The following GALNT7 variants were observed in gnomAD, a reference collection of about 807,000 sequenced individuals.
GALNT7 encodes N-acetylgalactosaminyltransferase 7.
Under a neutral mutation model 82.1 loss-of-function variants are expected in GALNT7, and 60 were observed. The ratio of observed to expected loss-of-function variants is 0.73; its 90% CI spans 0.59 to 0.91. The LOEUF is 0.91. GALNT7 is among the 40% of genes least tolerant of loss of function. The pLI, the probability that GALNT7 is intolerant of heterozygous loss-of-function variation, is 0.00. For synonymous variants in GALNT7, 243 were observed against 275.1 expected (o/e 0.88, Z 1.15); for missense variants, 660 against 804.2 (o/e 0.82, Z 2.17).
chr4:173,313,962 A>G lies in GALNT7; in HGVS notation c.1394A>G (p.Tyr465Cys). The G allele has an allele frequency of 6.8e-7, 1 of 1,469,368 alleles. No homozygotes were observed. The highest frequency in any genetic ancestry group is 9.5e-7 in the Non-Finnish European group (1 of 1,054,170). The allele number at this position is 1,469,368 out of a possible 1,614,324, so 91.0% of individuals were successfully genotyped here. ...ATATATATTTTTTTTTTACAGAATT[A>G]TGTTAGAGTTGTGGAGGTTTGGTGG... ...YVGSSPTLKN[Y>C]VRVVEVWWDE... The change falls in exon 9 of 12, where the codon TAT becomes TGT. Residue 465 changes from tyrosine (Y) to cysteine (C), a missense_variant. Tyr to Cys is a radical substitution (Grantham distance 194, BLOSUM62 -2). This residue lies in a region of GALNT7 where 527 missense variants were observed against 683.5 expected (regional missense o/e 0.77). Transcript: ENST00000265000.
intron 2 of GALNT7, among the ~76,000 whole-genome samples, chr4:173,283,344 T>C (rs1736185119): frequency 6.6e-6 from 1 of 152,166 alleles, no homozygotes; most frequent in Admixed American, 6.5e-5. Flanking sequence ...GAATCTTAGA[T>C]AGGACTTTCT....
At chr4:173,310,767 C>T (rs1288917967) in intron 8 of GALNT7, among the ~76,000 whole-genome samples, 1 of 152,038 alleles carries the variant, frequency 6.6e-6, no homozygotes, top group East Asian at 1.9e-4. Flanking sequence ...CGGAGTTTCA[C>T]TCTTGTTGCC....
At position 173,313,951 on chromosome 4, in the gene GALNT7, T is replaced by A. The variant is rs547745977; in HGVS notation, c.1390-7T>A. On this transcript the variant is annotated splice_region_variant and splice_polypyrimidine_tract_variant and intron_variant, in intron 8 of 11. Transcript: ENST00000265000. Reference sequence around the variant, plus strand: ...ACGATATATATATATATATTTTTTTTTTACAGAATTATGTTAGAGTTGTGG... The same window carrying A: ...ACGATATATATATATATATTTTTTTATTACAGAATTATGTTAGAGTTGTGG... 1,218 of 1,307,744 alleles carry A rather than the reference T, an allele frequency of 9.3e-4. 16 individuals are homozygous for A. The African/African-American group carries it at 0.017, about 18-fold the overall frequency. The allele number at this position is 1,307,744 out of a possible 1,614,324, so 81.0% of individuals were successfully genotyped here. A position where few individuals can be genotyped will look rare whatever the true frequency, so the allele number is the denominator to read the frequency against.
At chr4:173,171,953 G>T (rs956540643) in intron 1 of GALNT7, among the ~76,000 whole-genome samples, 3 of 152,210 alleles carry the variant, frequency 2.0e-5, no homozygotes, top group African/African-American at 7.2e-5. Context: ...TTGAAGAAAT[G>T]ACTATTAGCA....
intron 1 of GALNT7, among the ~76,000 whole-genome samples, chr4:173,196,160 T>C: frequency 6.6e-6 from 1 of 151,844 alleles, no homozygotes. Flanking sequence ...AGTCTCGCTC[T>C]GTCGCCCAGG....
chr4:173,172,056 G>A (rs1300128839), intron 1 of GALNT7, among the ~76,000 whole-genome samples: 1 of 152,204 alleles, frequency 6.6e-6, no homozygotes, highest in African/African-American at 2.4e-5. Context: ...GAGAGACCGA[G>A]GCAAATTTTT....
chr4:173,201,777 G>C (rs531044990), intron 1 of GALNT7, among the ~76,000 whole-genome samples: 1 of 152,116 alleles, frequency 6.6e-6, no homozygotes, highest in African/African-American at 2.4e-5. Flanking sequence ...ATAATGCATC[G>C]GCCAGGTTGC....
At chr4:173,280,530 T>C (rs1358521515) in intron 2 of GALNT7, among the ~76,000 whole-genome samples, 2 of 152,206 alleles carry the variant, frequency 1.3e-5, no homozygotes, top group African/African-American at 2.4e-5. Context: ...GTAAAATTAC[T>C]CTAAGAATAA....
At chr4:173,178,146 A>C (rs1472254631) in intron 1 of GALNT7, among the ~76,000 whole-genome samples, 1 of 152,006 alleles carries the variant, frequency 6.6e-6, no homozygotes, top group Non-Finnish European at 1.5e-5. Flanking sequence ...AACACATATT[A>C]GTCTTTTTTT....
At chr4:173,247,113 T>C (rs1393985387) in intron 1 of GALNT7, among the ~76,000 whole-genome samples, 1 of 151,926 alleles carries the variant, frequency 6.6e-6, no homozygotes, top group East Asian at 1.9e-4. Flanking sequence ...TTTAAAGTGA[T>C]CAAGGTGATG....
At chr4:173,212,583 C>T (rs1182251770) in intron 1 of GALNT7, among the ~76,000 whole-genome samples, 2 of 150,442 alleles carry the variant, frequency 1.3e-5, no homozygotes, top group Non-Finnish European at 2.9e-5. Flanking sequence ...TAGAGATTCC[C>T]TTCCAGTGCT....
chr4:173,281,323 T>G (rs2126807890), intron 2 of GALNT7, among the ~76,000 whole-genome samples: 1 of 152,282 alleles, frequency 6.6e-6, no homozygotes. Context: ...CAACGGTCCT[T>G]TCCTCACCAG....
At chr4:173,229,646 A>G (rs932732454) in intron 1 of GALNT7, among the ~76,000 whole-genome samples, 2 of 152,150 alleles carry the variant, frequency 1.3e-5, no homozygotes, top group East Asian at 1.9e-4. Flanking sequence ...TCTTAACTGT[A>G]AAATGGGGTA....
chr4:173,224,875 C>T (rs12503914), intron 1 of GALNT7, among the ~76,000 whole-genome samples: 47,696 of 151,202 alleles, frequency 0.32, 7,762 homozygotes, highest in Admixed American at 0.38. Flanking sequence ...ATTAGCCAGG[C>T]GTGGTGGCGC....
chr4:173,216,719 A>ATT (rs1269758613), intron 1 of GALNT7, among the ~76,000 whole-genome samples: 471 of 13,328 alleles, frequency 0.035, 13 homozygotes, highest in African/African-American at 0.071. Flanking sequence ...ATATATATAT[A>ATT]TATATATATT....
chr4:173,172,758 A>G lies in GALNT7; in HGVS notation c.126+3797A>G, dbSNP rs1469956783. 1.3e-5 allele frequency among the ~76,000 whole-genome samples: 2 copies of G among 152,208 alleles called. 1 individual carries two copies. On this transcript the variant is annotated intron_variant, in intron 1 of 11. Coordinates refer to ENST00000265000, the MANE Select transcript of GALNT7 (RefSeq NM_017423.3). ...CAAAGGTCCTGAGGCAGGAGGTAGC[A>G]TGAGTGAAATAGTGAGAAACTAGGA...
At chr4:173,284,215 AT>A (rs1736225544) in intron 2 of GALNT7, among the ~76,000 whole-genome samples, 1 of 152,218 alleles carries the variant, frequency 6.6e-6, no homozygotes, top group Non-Finnish European at 1.5e-5. Context: ...AAGAGTACCT[AT>A]TAAAGTTCCA....
intron 1 of GALNT7, among the ~76,000 whole-genome samples, chr4:173,190,102 C>T (rs1732583906): frequency 6.6e-6 from 1 of 150,996 alleles, no homozygotes; most frequent in Non-Finnish European, 1.5e-5. Context: ...TCTTGTTACT[C>T]TGTCATTCCT....
chr4:173,298,198 G>C lies in GALNT7; in HGVS notation c.1049G>C (p.Gly350Ala). Residue 350 changes from glycine to alanine, a missense_variant, in exon 6 of 12, where the codon GGG becomes GCG. By Grantham distance (60) the Gly-to-Ala change is moderately conservative. Coordinates refer to ENST00000265000, the MANE Select transcript of GALNT7 (RefSeq NM_017423.3). Reference protein sequence around the residue: ...IIPQGGGDEDGYARGAWDWSM... With the variant: ...IIPQGGGDEDAYARGAWDWSM... The stretch of plus-strand genomic sequence containing the variant: ...CCCCAAGGGGGTGGTGATGAAGATG[G>C]GTATGCCCGAGGAGCATGGGATTGG... 1 of 1,613,756 alleles carries C rather than the reference G, an allele frequency of 6.2e-7. No homozygotes were observed. Among genetic ancestry groups the C allele is most frequent in the Non-Finnish European group, 8.5e-7 (1 of 1,179,744 alleles).
Sources: allele counts gnomAD v4.1 joint callset (sites outside exome capture counted in the v4.1 genomes callset), GRCh38; gene constraint gnomAD v4.1.1; regional missense constraint gnomAD v4.1.1; transcripts MANE v1.5; gene names NCBI Gene and HGNC (gene_info 2026-07-23, HGNC 2026-07-21).